Variants in CADM2 observed in about 807,000 individuals in gnomAD.
CADM2 encodes immunoglobulin superfamily member 4D.
A neutral mutation model predicts 49.8 loss-of-function variants in CADM2; 12 were observed. The ratio of observed to expected loss-of-function variants is 0.24; its 90% CI spans 0.15 to 0.39. The LOEUF (loss-of-function observed/expected upper bound fraction) is 0.39. CADM2 is among the 10% of genes least tolerant of loss of function. The pLI is 1.00. For synonymous variants in CADM2, 214 were observed against 175.4 expected (o/e 1.22, Z -1.74); for missense variants, 378 against 492.3 (o/e 0.77, Z 2.20).
At chr3:85,107,163 A>G (rs1420625048) in intron 1 of CADM2, among the ~76,000 whole-genome samples, 2 of 152,196 alleles carry the variant, frequency 1.3e-5, no homozygotes, top group South Asian at 2.1e-4. Context: ...AAAGGATAAT[A>G]TAATATTGAT....
chr3:85,111,407 G>T (rs1242307220), intron 1 of CADM2, among the ~76,000 whole-genome samples: 2 of 151,818 alleles, frequency 1.3e-5, no homozygotes, highest in East Asian at 3.8e-4. Flanking sequence ...TGCAATATAT[G>T]AGGCTGCCTA....
At chr3:85,328,611 C>A (rs918757690) in intron 1 of CADM2, among the ~76,000 whole-genome samples, 1 of 152,022 alleles carries the variant, frequency 6.6e-6, no homozygotes, top group Admixed American at 6.6e-5. Context: ...CAAAGATTTC[C>A]TCAAGAGTCA....
At chr3:84,994,978 C>T (rs1363286084) in intron 1 of CADM2, among the ~76,000 whole-genome samples, 3 of 151,732 alleles carry the variant, frequency 2.0e-5, no homozygotes, top group Non-Finnish European at 2.9e-5. Context: ...TTCAGTCAGC[C>T]GAAATTGAAC....
At chr3:85,317,040 C>T (rs970367412) in intron 1 of CADM2, among the ~76,000 whole-genome samples, 2 of 151,916 alleles carry the variant, frequency 1.3e-5, no homozygotes, top group East Asian at 3.9e-4. Flanking sequence ...TCTGAGTAAA[C>T]TTGGAGTACC....
At chr3:85,830,450 A>G (rs2074134365) in intron 3 of CADM2, among the ~76,000 whole-genome samples, 1 of 151,922 alleles carries the variant, frequency 6.6e-6, no homozygotes, top group Non-Finnish European at 1.5e-5. Context: ...ATGGTCTTCA[A>G]ATAGTTTCTA....
chr3:85,936,061 G>T (rs1721157588), intron 7 of CADM2, among the ~76,000 whole-genome samples: 1 of 151,420 alleles, frequency 6.6e-6, no homozygotes, highest in Non-Finnish European at 1.5e-5. Context: ...AAGTTTCTGG[G>T]AAGATTTCCA....
chr3:85,357,353 C>G (rs537803516), intron 1 of CADM2, among the ~76,000 whole-genome samples: 33 of 152,102 alleles, frequency 2.2e-4, no homozygotes, highest in Non-Finnish European at 4.4e-4. Context: ...TACCTTTTAC[C>G]TGACTTTCAA....
intron 1 of CADM2, among the ~76,000 whole-genome samples, chr3:85,689,179 A>C (rs1217959247): frequency 6.6e-6 from 1 of 152,222 alleles, no homozygotes; most frequent in Non-Finnish European, 1.5e-5. Context: ...ATATTGTATG[A>C]ATATATTTAT....
chr3:85,568,473 C>CTTTCTTTCTTTCTTTCTTTCTTTCTT lies in CADM2; in HGVS notation c.62-158048_62-158047insTTCTTTCTTTCTTTCTTTCTTTCTTT, dbSNP rs1553743643. On this transcript the variant is annotated intron_variant, in intron 1 of 9. Coordinates refer to ENST00000383699, the MANE Select transcript of CADM2 (RefSeq NM_001167675.2). The stretch of plus-strand genomic sequence containing the variant: ...TTTCTTTCTTTCTTTCTCTTTCTCT[C>CTTTCTTTCTTTCTTTCTTTCTTTCTT]TCTTTCTTTCTTTCTTTCTTTCTTT... 1.7e-3 allele frequency among the ~76,000 whole-genome samples: 48 copies of CTTTCTTTCTTTCTTTCTTTCTTTCTT among 27,616 alleles called. 6 individuals carry two copies. Among genetic ancestry groups the CTTTCTTTCTTTCTTTCTTTCTTTCTT allele is most frequent in the African/African-American group, 3.3e-3 (43 of 12,948 alleles). 18.1% of individuals were successfully genotyped at this position (27,616 alleles called of 152,430 possible).
At chr3:84,991,008 C>T (rs2032855799) in intron 1 of CADM2, among the ~76,000 whole-genome samples, 1 of 151,958 alleles carries the variant, frequency 6.6e-6, no homozygotes, top group East Asian at 1.9e-4. Context: ...GCCAAAAGAA[C>T]CCTATCACAA....
At chr3:85,035,896 T>G (rs1481249014) in intron 1 of CADM2, among the ~76,000 whole-genome samples, 1 of 152,234 alleles carries the variant, frequency 6.6e-6, no homozygotes, top group East Asian at 1.9e-4. Context: ...AAATATCTAT[T>G]CATTGCTTTA....
chr3:85,568,473 C>CTTTG (rs1553743643), intron 1 of CADM2, among the ~76,000 whole-genome samples: 1 of 27,616 alleles, frequency 3.6e-5, no homozygotes, highest in Non-Finnish European at 1.1e-4. Context: ...CTCTTTCTCT[C>CTTTG]TCTTTCTTTC....
intron 2 of CADM2, among the ~76,000 whole-genome samples, chr3:85,789,043 C>T (rs1272826704): frequency 1.3e-5 from 2 of 151,950 alleles, no homozygotes; most frequent in African/African-American, 4.8e-5. Context: ...CTTTTTTGAG[C>T]CTCAGATTGA....
intron 1 of CADM2, among the ~76,000 whole-genome samples, chr3:85,121,280 G>A (rs145386510): frequency 5.9e-5 from 9 of 152,098 alleles, no homozygotes; most frequent in Non-Finnish European, 1.0e-4. Flanking sequence ...ATATGCTGCC[G>A]GTTTTTCATT....
intron 3 of CADM2, among the ~76,000 whole-genome samples, chr3:85,821,260 G>T (rs2073546000): frequency 6.6e-6 from 1 of 152,108 alleles, no homozygotes; most frequent in African/African-American, 2.4e-5. Flanking sequence ...AAGATAGTTA[G>T]CAAGAACAGG....
At chr3:85,350,798 T>C (rs2031264144) in intron 1 of CADM2, among the ~76,000 whole-genome samples, 1 of 152,168 alleles carries the variant, frequency 6.6e-6, no homozygotes, top group African/African-American at 2.4e-5. Flanking sequence ...TATGTAATTC[T>C]TCCGCTACAT....
At chr3:85,359,666 A>ATATATATATTTTTTT in intron 1 of CADM2, among the ~76,000 whole-genome samples, 12 of 26,554 alleles carry the variant, frequency 4.5e-4, no homozygotes, top group East Asian at 4.0e-3. Context: ...ATATATATAT[A>ATATATATATTTTTTT]TTTTTTTTTT....
chr3:85,960,930 A>C (rs1422375956), intron 7 of CADM2, among the ~76,000 whole-genome samples: 2 of 148,358 alleles, frequency 1.3e-5, no homozygotes, highest in Non-Finnish European at 3.0e-5. Context: ...TTCTTATTTT[A>C]TATGTATTTG....
At position 85,972,418 on chromosome 3, in the gene CADM2, G is replaced by GT. The variant is rs1726268990; in HGVS notation, c.970+10772dup. Among the ~76,000 whole-genome samples the GT allele has an allele frequency of 2.6e-5, 4 of 151,600 alleles. No homozygotes were observed. The South Asian group carries it at 8.3e-4, about 31-fold the overall frequency. On this transcript the variant is annotated intron_variant, in intron 8 of 9. Coordinates refer to ENST00000383699, the MANE Select transcript of CADM2 (RefSeq NM_001167675.2). ...TCTACATCTCCACTAATAACTCTTA[G>GT]TGTTTATTTATTCTTTATCATCCTG...
Sources: allele counts gnomAD v4.1 joint callset (sites outside exome capture counted in the v4.1 genomes callset), GRCh38; gene constraint gnomAD v4.1.1; transcripts MANE v1.5; gene names NCBI Gene and HGNC (gene_info 2026-07-23, HGNC 2026-07-21).